The following NDRG2 variants were observed in gnomAD, a reference collection of about 807,000 sequenced individuals.
NDRG2 encodes NDRG family member 2, also known as protein NDRG2.
A neutral mutation model predicts 58.2 loss-of-function variants in NDRG2; 34 were observed. That is an observed-to-expected ratio of 0.58 (90% CI 0.44 to 0.78). The LOEUF is 0.78. Ranked by LOEUF, NDRG2 falls within the 30% of genes least tolerant of loss-of-function variation. NDRG2 has a pLI of 0.00. For synonymous variants in NDRG2, 187 were observed against 175.9 expected, an observed-to-expected ratio of 1.06 and a Z score of -0.50; for missense variants, 434 against 471.2, an observed-to-expected ratio of 0.92 and a Z score of 0.73.
At chr14:21,069,759 C>G (rs776402308) in intron 1 of NDRG2, among the ~76,000 whole-genome samples, 3 of 152,148 alleles carry the variant, frequency 2.0e-5, no homozygotes, top group Admixed American at 6.5e-5. Context: ...CCCGGCCCTC[C>G]GCTCTCTGCT....
chr14:21,042,593 T>A (rs1594496203), intron 1 of NDRG2, among the ~76,000 whole-genome samples: 1 of 142,970 alleles, frequency 7.0e-6, no homozygotes, highest in East Asian at 2.1e-4. Flanking sequence ...AAGGGGAGAG[T>A]GATGTTGGGG....
chr14:21,034,596 T>C, intron 1 of NDRG2: 1 of 315,094 alleles, frequency 3.2e-6, no homozygotes. Context: ...CCAAGAGTCC[T>C]TGGGCCCCTG....
chr14:21,022,589 G>A, intron 3 of NDRG2, 92 bp from the exon 4 acceptor site: 4 of 912,094 alleles, frequency 4.4e-6, no homozygotes, highest in Non-Finnish European at 6.9e-6. Flanking sequence ...GAGTGGGTGG[G>A]CAAGAGGGAA....
At chr14:21,030,831 G>A, upstream of NDRG2, 1 of 1,556,614 alleles carries the variant, frequency 6.4e-7, no homozygotes, top group Non-Finnish European at 8.7e-7. Context: ...TCACGTGGTG[G>A]AACATTTGCA....
upstream of NDRG2, among the ~76,000 whole-genome samples, chr14:21,028,284 C>G (rs1226764156): frequency 6.6e-6 from 1 of 151,954 alleles, no homozygotes; most frequent in East Asian, 1.9e-4. Flanking sequence ...GATGGGGTCT[C>G]TCTGTCAGCC....
In NDRG2 at chr14:21,070,274, C is replaced by T. The variant is rs1886592035; in HGVS notation, c.24+554G>A. Reference sequence around the variant, plus strand: ...GCCTGGAAGCCGGAGCGGGCCGAGCCGCCACCGCGGCCGGAGCTGTCCCTT... The same window carrying T: ...GCCTGGAAGCCGGAGCGGGCCGAGCTGCCACCGCGGCCGGAGCTGTCCCTT... On this transcript the variant is annotated intron_variant, in intron 1 of 14. Coordinates refer to the NDRG2 transcript ENST00000403829. This position sits in a 1 kb window ranked among gnomAD's most constrained non-coding sequence, Gnocchi z 4.7. 1.3e-5 allele frequency: 14 copies of T among 1,074,278 alleles called. No homozygotes were observed. In the South Asian group the frequency reaches 4.4e-4, roughly 34 times the overall value. The allele number at this position is 1,074,278 out of a possible 1,614,324, so 66.5% of individuals were successfully genotyped here. A position where few individuals can be genotyped will look rare whatever the true frequency, so the allele number is the denominator to read the frequency against.
chr14:21,034,524 G>A, intron 1 of NDRG2: 1 of 539,114 alleles, frequency 1.9e-6, no homozygotes, highest in Non-Finnish European at 3.3e-6. Context: ...AGCCTCTGCA[G>A]AGTCCGTGAG....
chr14:21,066,476 C>T (rs900528216), intron 1 of NDRG2, among the ~76,000 whole-genome samples: 25 of 152,076 alleles, frequency 1.6e-4, no homozygotes, highest in Admixed American at 7.9e-4. Flanking sequence ...TGTGCCACCA[C>T]GCCCAGCTAA....
chr14:21,032,185 G>C, intron 1 of NDRG2: 6 of 1,163,426 alleles, frequency 5.2e-6, no homozygotes, highest in Non-Finnish European at 7.6e-6. Flanking sequence ...ATCTCTGTCT[G>C]TGAGGGACAG....
chr14:21,063,499 A>T (rs1886084486), intron 1 of NDRG2, among the ~76,000 whole-genome samples: 1 of 152,176 alleles, frequency 6.6e-6, no homozygotes, highest in Non-Finnish European at 1.5e-5. Context: ...CGTATGTTCA[A>T]CATGGGCAGA....
At chr14:21,036,023 T>C (rs936943897) in intron 1 of NDRG2, 1 of 376,734 alleles carries the variant, frequency 2.7e-6, no homozygotes, top group African/African-American at 2.1e-5. Flanking sequence ...ATAGTATTTT[T>C]TACCTCACGG....
rs868436650 is a variant in NDRG2, at chr14:21,024,809, T to G, written c.-786A>C. ...GAGACTGACACCCTTGCGTGGCCGG[T>G]GCCAAGCGCCCCGGACCTTGCACAC... On this transcript the variant is annotated 5_prime_UTR_variant, in exon 1 of 16. Transcript: ENST00000556147. The G allele has an allele frequency of 7.6e-5, 75 of 985,554 alleles. 1 individual carries two copies. The Middle Eastern group carries it at 1.6e-3, about 21-fold the overall frequency. 61.1% of individuals were successfully genotyped at this position (985,554 alleles called of 1,614,324 possible). A position where few individuals can be genotyped will look rare whatever the true frequency, so the allele number is the denominator to read the frequency against.
At chr14:21,021,989 TC>T in intron 5 of NDRG2, 72 bp downstream of exon 5, 1 of 1,612,274 alleles carries the variant, frequency 6.2e-7, no homozygotes. Context: ...CCTTTCCTCC[TC>T]CCCAGTCGAA....
intron 1 of NDRG2, among the ~76,000 whole-genome samples, chr14:21,063,616 C>G (rs546789078): frequency 5.3e-5 from 8 of 152,304 alleles, no homozygotes; most frequent in African/African-American, 1.9e-4. Context: ...ATGGGAATGA[C>G]TTCACGCTGT....
chr14:21,019,204 T>C, intron 10 of NDRG2, 44 bp from the exon 11 acceptor site: 2 of 1,531,790 alleles, frequency 1.3e-6, no homozygotes, highest in Non-Finnish European at 1.8e-6. Flanking sequence ...TGGGCAATGC[T>C]ATCTAACCAG....
chr14:21,032,405 C>A, intron 1 of NDRG2: 1 of 452,294 alleles, frequency 2.2e-6, no homozygotes, highest in South Asian at 1.7e-5. Flanking sequence ...TACTTGTGTT[C>A]ACACATTACT....
At chr14:21,043,575 G>A (rs969008670) in intron 1 of NDRG2, 2 of 761,788 alleles carry the variant, frequency 2.6e-6, no homozygotes, top group Admixed American at 2.9e-5. Flanking sequence ...GGCTGTTCCT[G>A]GTTCAGCCTC....
chr14:21,053,793 G>A (rs1334075037), intron 1 of NDRG2, among the ~76,000 whole-genome samples: 1 of 151,972 alleles, frequency 6.6e-6, no homozygotes, highest in Non-Finnish European at 1.5e-5. Flanking sequence ...GACAGAGCAA[G>A]ACCCTGCCTT....
intron 1 of NDRG2, among the ~76,000 whole-genome samples, chr14:21,063,111 C>T (rs1029885742): frequency 1.1e-4 from 17 of 152,038 alleles, no homozygotes; most frequent in South Asian, 2.1e-4. Context: ...GGCTGGGCAA[C>T]GGAGCGAGAC....
Sources: allele counts gnomAD v4.1 joint callset (sites outside exome capture counted in the v4.1 genomes callset), GRCh38; gene constraint gnomAD v4.1.1; non-coding constraint Gnocchi (gnomAD v3.1); transcripts MANE v1.5; gene names NCBI Gene and HGNC (gene_info 2026-07-23, HGNC 2026-07-21).